The following PHACTR2 variants were observed in gnomAD, a reference collection of about 807,000 sequenced individuals.
PHACTR2 encodes phosphatase and actin regulator 2.
A neutral mutation model predicts 76.0 loss-of-function variants in PHACTR2; 30 were observed. The ratio of observed to expected loss-of-function variants is 0.39; its 90% CI spans 0.30 to 0.54. PHACTR2 has a LOEUF of 0.54. Ranked by LOEUF, PHACTR2 falls within the 20% of genes least tolerant of loss-of-function variation. The pLI, the probability that PHACTR2 is intolerant of heterozygous loss-of-function variation, is 0.61. For synonymous variants in PHACTR2, 292 were observed against 292.5 expected, an observed-to-expected ratio of 1.00 and a Z score of 0.02; for missense variants, 696 against 781.1, an observed-to-expected ratio of 0.89 and a Z score of 1.30.
Position 143,739,771 on chromosome 6 carries a change from A to G in PHACTR2, c.215-9214A>G, listed in dbSNP as rs1382738137. 2.0e-5 allele frequency among the ~76,000 whole-genome samples: 3 copies of G among 152,334 alleles called. No homozygotes were observed. The highest frequency in any genetic ancestry group is 4.1e-4 in the South Asian group (2 of 4,830). On this transcript the variant is annotated intron_variant, in intron 2 of 12. Coordinates refer to ENST00000440869, the MANE Select transcript of PHACTR2 (RefSeq NM_001100164.2). The surrounding 1 kb of genome is among the most constrained non-coding windows in gnomAD (Gnocchi z 4.3). ...CCTTTATTCCTTCGGAATTAGAACC[A>G]TAGGTCCCCATGGGCTGATCTCCCA...
At chr6:143,705,365 G>C (rs1778028136) in intron 1 of PHACTR2, among the ~76,000 whole-genome samples, 1 of 148,688 alleles carries the variant, frequency 6.7e-6, no homozygotes, top group African/African-American at 2.5e-5. Context: ...CGCAATCTTG[G>C]TTCACTGCAA....
rs1776144714 is a variant in PHACTR2 at position 143,621,076 on chromosome 6, C to G, written c.13+12754C>G. The stretch of plus-strand genomic sequence containing the variant: ...AGCAGATGGGGGACAGTGCAAACCT[C>G]CAGGAAAAGAACAAGAGCAGGATCA... On this transcript the variant is annotated intron_variant, in intron 1 of 11. Coordinates refer to the PHACTR2 transcript ENST00000305766. The surrounding 1 kb of genome is among the most constrained non-coding windows in gnomAD (Gnocchi z 4.1). 6.6e-6 allele frequency among the ~76,000 whole-genome samples: 1 copy of G among 152,112 alleles called. No individual in the cohort carries two copies. The highest frequency in any genetic ancestry group is 1.5e-5 in the Non-Finnish European group (1 of 68,032).
chr6:143,771,164 ATATATATATGTATATATATATATATGTG>A (rs1562300679), intron 6 of PHACTR2, among the ~76,000 whole-genome samples: 7 of 30,096 alleles, frequency 2.3e-4, no homozygotes, highest in Admixed American at 8.3e-4. Flanking sequence ...ATATGTATAT[ATATATATATGTATATATATATATATGTG>A]TGTATATATA....
At chr6:143,723,685 C>A (rs1373104063) in intron 2 of PHACTR2, among the ~76,000 whole-genome samples, 1 of 152,084 alleles carries the variant, frequency 6.6e-6, no homozygotes, top group Non-Finnish European at 1.5e-5. Flanking sequence ...TCAGAGTATA[C>A]GTGGAGATCG....
At chr6:143,677,948 A>G, upstream of PHACTR2, 1 of 1,198,614 alleles carries the variant, frequency 8.3e-7, no homozygotes, top group Non-Finnish European at 1.1e-6. Flanking sequence ...GCTAATCTGC[A>G]TAGAGGAATG....
rs1025355557 is a variant in PHACTR2, at chr6:143,776,328, A to ACCTGTATAC, written c.1590-1000_1590-999insCCTGTATAC. Among the ~76,000 whole-genome samples the ACCTGTATAC allele has an allele frequency of 1.1e-4, 17 of 152,296 alleles. No individual in the cohort carries two copies. Among genetic ancestry groups the ACCTGTATAC allele is most frequent in the South Asian group, 4.1e-4 (2 of 4,826 alleles). On this transcript the variant is annotated intron_variant, in intron 8 of 12. Transcript: ENST00000440869. This position sits in a 1 kb window ranked among gnomAD's most constrained non-coding sequence, Gnocchi z 5.3. ...TATTATACATGGTTGTATACCTAGA[A>ACCTGTATAC]AGCTCTAAAAACTGACCCAAAATTG...
At chr6:143,563,403 A>G (rs948743421) in intron 1 of PHACTR2, among the ~76,000 whole-genome samples, 80 of 152,162 alleles carry the variant, frequency 5.3e-4, no homozygotes, top group African/African-American at 1.8e-3. Context: ...TCTCTACGAA[A>G]AATTAAGCCA....
intron 1 of PHACTR2, among the ~76,000 whole-genome samples, chr6:143,681,940 ATGCCAG>A (rs1389640874): frequency 2.6e-5 from 4 of 152,222 alleles, no homozygotes; most frequent in African/African-American, 9.6e-5. Flanking sequence ...GTCTCTTCTT[ATGCCAG>A]TTACCACAAT....
rs932978162 is a variant in PHACTR2, at chr6:143,598,631, G to A, written c.217+61424G>A. Among the ~76,000 whole-genome samples, 4 of 152,240 alleles carry A rather than the reference G, an allele frequency of 2.6e-5. No homozygotes were observed. Among genetic ancestry groups the A allele is most frequent in the African/African-American group, 9.6e-5 (4 of 41,464 alleles). The stretch of plus-strand genomic sequence containing the variant: ...ATCTGATGGCAAAGCACTTCTCTAA[G>A]AACAACCACATGGCTTCCCCTTCCT... On this transcript the variant is annotated intron_variant, in intron 1 of 11. Coordinates refer to the PHACTR2 transcript ENST00000367584. The surrounding 1 kb of genome is among the most constrained non-coding windows in gnomAD (Gnocchi z 4.1).
At chr6:143,691,190 C>T (rs1388118813) in intron 1 of PHACTR2, among the ~76,000 whole-genome samples, 2 of 151,998 alleles carry the variant, frequency 1.3e-5, no homozygotes, top group Non-Finnish European at 2.9e-5. Flanking sequence ...AGATGGTCCT[C>T]AACTTATGAT....
At chr6:143,779,348 CT>C (rs985719804) in intron 9 of PHACTR2, among the ~76,000 whole-genome samples, 321 of 138,526 alleles carry the variant, frequency 2.3e-3, no homozygotes, top group Non-Finnish European at 2.5e-3. Context: ...ACTAGGTCAT[CT>C]TTTTTTTTTT....
intron 6 of PHACTR2, among the ~76,000 whole-genome samples, chr6:143,768,921 C>A (rs1775027552): frequency 6.6e-6 from 1 of 152,176 alleles, no homozygotes; most frequent in South Asian, 2.1e-4. Flanking sequence ...AATTAATGAA[C>A]CTGGAGTAAG....
Position 143,737,051 on chromosome 6 carries a change from C to A in PHACTR2, c.215-11934C>A, listed in dbSNP as rs577997477. Among the ~76,000 whole-genome samples the A allele has an allele frequency of 2.0e-5, 3 of 151,614 alleles. No homozygotes were observed. The South Asian group carries it at 6.2e-4, about 32-fold the overall frequency. ...ATTCTTAAGAGGACTGGAATACATC[C>A]TATATAAAAGTATTCTATTATATAG... On this transcript the variant is annotated intron_variant, in intron 2 of 12. Transcript: ENST00000440869.
rs1172728426 is a variant in PHACTR2 at position 143,709,979 on chromosome 6, C to T, written c.47-2037C>T. Reference sequence around the variant, plus strand: ...GTATTAGGGGTCCTTTTCAGAGCCTCATGAGGGTGGAAATCTAGTAACTCC... The same window carrying T: ...GTATTAGGGGTCCTTTTCAGAGCCTTATGAGGGTGGAAATCTAGTAACTCC... On this transcript the variant is annotated intron_variant, in intron 1 of 12. Coordinates refer to ENST00000440869, the MANE Select transcript of PHACTR2 (RefSeq NM_001100164.2). The surrounding 1 kb of genome is among the most constrained non-coding windows in gnomAD (Gnocchi z 4.4). Among the ~76,000 whole-genome samples, 1 of 152,094 alleles carries T rather than the reference C, an allele frequency of 6.6e-6. No individual in the cohort carries two copies. Among genetic ancestry groups the T allele is most frequent in the Non-Finnish European group, 1.5e-5 (1 of 68,032 alleles).
intron 9 of PHACTR2, among the ~76,000 whole-genome samples, chr6:143,779,275 C>G (rs1364012330): frequency 2.0e-5 from 3 of 151,480 alleles, no homozygotes; most frequent in Non-Finnish European, 4.4e-5. Flanking sequence ...TCATCTCCAG[C>G]TTTTGTTCAA....
rs71024870 is a variant in PHACTR2, at chr6:143,686,481, C to CTTTTTTT, written c.46+8290_46+8296dup. 3.7e-3 allele frequency among the ~76,000 whole-genome samples: 312 copies of CTTTTTTT among 83,952 alleles called. 6 individuals carry two copies. Among genetic ancestry groups the CTTTTTTT allele is most frequent in the East Asian group, 6.3e-3 (15 of 2,400 alleles). 55.1% of individuals were successfully genotyped at this position (83,952 alleles called of 152,430 possible). ...ACACATAGAGGAGAGGAACTTCATTCTTTTTTTTTTTTTTTTTTTTTTTTG... is the reference window on the plus strand; with the variant it reads ...ACACATAGAGGAGAGGAACTTCATTCTTTTTTTTTTTTTTTTTTTTTTTTTTTTTTTG... On this transcript the variant is annotated intron_variant, in intron 1 of 12. Transcript: ENST00000440869.
rs1486635436 is a variant in PHACTR2 at position 143,789,626 on chromosome 6, C to G, written c.1845+716C>G. On this transcript the variant is annotated intron_variant, in intron 11 of 12. Coordinates refer to ENST00000440869, the MANE Select transcript of PHACTR2 (RefSeq NM_001100164.2). This position sits in a 1 kb window ranked among gnomAD's most constrained non-coding sequence, Gnocchi z 5.1. Reference sequence around the variant, plus strand: ...GTTTTTAAATTGTTCTAATTTTTATCTCTTAGCAAAATCTGGTATTGAATA... The same window carrying G: ...GTTTTTAAATTGTTCTAATTTTTATGTCTTAGCAAAATCTGGTATTGAATA... Among the ~76,000 whole-genome samples the G allele has an allele frequency of 6.6e-6, 1 of 152,154 alleles. No individual in the cohort carries two copies. Among genetic ancestry groups the G allele is most frequent in the Admixed American group, 6.5e-5 (1 of 15,274 alleles).
intron 3 of PHACTR2, among the ~76,000 whole-genome samples, chr6:143,749,465 A>C (rs1026088445): frequency 6.6e-6 from 1 of 152,164 alleles, no homozygotes; most frequent in African/African-American, 2.4e-5. Context: ...GTTTCTTAAG[A>C]CTACCAATAA....
chr6:143,665,097 C>G (rs916089996), intron 1 of PHACTR2, among the ~76,000 whole-genome samples: 2 of 152,136 alleles, frequency 1.3e-5, no homozygotes, highest in African/African-American at 4.8e-5. Flanking sequence ...CCGCACCCAG[C>G]CTGGGTTCAT....
Sources: gnomAD v4.1 joint callset for allele counts (sites outside exome capture counted in the v4.1 genomes callset) on GRCh38, gnomAD v4.1.1 for gene constraint, Gnocchi (gnomAD v3.1) non-coding constraint, MANE v1.5 for transcripts, NCBI Gene and HGNC (gene_info 2026-07-23, HGNC 2026-07-21) for gene names.